AKAP11: variants seen among roughly 807,000 people sequenced by gnomAD.
AKAP11 encodes A-kinase anchoring protein 11, also known as A-kinase anchor protein 11.
A neutral mutation model predicts 146.1 loss-of-function variants in AKAP11; 36 were observed. That is an observed-to-expected ratio of 0.25 (90% CI 0.19 to 0.33). The LOEUF (loss-of-function observed/expected upper bound fraction) is 0.33. Ranked by LOEUF, AKAP11 falls within the 10% of genes least tolerant of loss-of-function variation. AKAP11 has a pLI of 1.00. For missense variants in AKAP11, 2,201 were observed against 2,197.0 expected, an observed-to-expected ratio of 1.00 and a Z score of -0.04; for synonymous variants, 780 against 786.5, an observed-to-expected ratio of 0.99 and a Z score of 0.14.
In AKAP11 at chr13:42,303,514, T is replaced by C. The variant is rs753749790; in HGVS notation, c.4768T>C (p.Cys1590Arg). Residue 1590 changes from cysteine (C) to arginine (R), a missense_variant, in exon 8 of 13, where the codon TGT becomes CGT. Cys to Arg is a radical substitution (Grantham distance 180). This residue lies in a region of AKAP11 where 1,867 missense variants were observed against 1,833.5 expected (regional missense o/e 1.02). Coordinates refer to ENST00000025301, the MANE Select transcript of AKAP11 (RefSeq NM_016248.4). ...SPLTGQACRY[C>R]DLKELHNCTG... ...TCTTACAGGTCAAGCTTGCAGATAC[T>C]GTGACCTTAAAGAACTCCACAATTG... 1.1e-5 allele frequency: 18 copies of C among 1,614,118 alleles called. No individual in the cohort carries two copies. Among genetic ancestry groups the C allele is most frequent in the Non-Finnish European group, 1.5e-5 (18 of 1,180,036 alleles).
chr13:42,317,834 A>G (rs1960894246), intron 12 of AKAP11, 146 bp downstream of exon 12: 8 of 865,620 alleles, frequency 9.2e-6, no homozygotes, highest in Non-Finnish European at 1.4e-5. Context: ...CAGCTCTGCC[A>G]CTTTCTAGCA....
chr13:42,293,268 AT>A (rs1959302232), intron 4 of AKAP11, among the ~76,000 whole-genome samples: 1 of 152,206 alleles, frequency 6.6e-6, no homozygotes, highest in Non-Finnish European at 1.5e-5. Context: ...TTCATCAAAA[AT>A]ATTCTAAGTT....
Position 42,312,746 on chromosome 13 carries a change from G to A in AKAP11, c.5274-301G>A, listed in dbSNP as rs546378877. Among the ~76,000 whole-genome samples, 3 of 152,242 alleles carry A rather than the reference G, an allele frequency of 2.0e-5. No homozygotes were observed. In the East Asian group the frequency reaches 5.8e-4, roughly 29 times the overall value. On this transcript the variant is annotated intron_variant, in intron 9 of 12. Transcript: ENST00000025301. ...GGTCCTAAGACATTAATTTTCCTGTGAAACTTATTACTTCATGCATTCATT... is the reference window on the plus strand; with the variant it reads ...GGTCCTAAGACATTAATTTTCCTGTAAAACTTATTACTTCATGCATTCATT...
At position 42,299,635 on chromosome 13, in the gene AKAP11, A is replaced by G; in HGVS notation, c.889A>G (p.Thr297Ala). 6.2e-7 allele frequency: 1 copy of G among 1,613,910 alleles called. No homozygotes were observed. Among genetic ancestry groups the G allele is most frequent in the Non-Finnish European group, 8.5e-7 (1 of 1,179,880 alleles). Residue 297 changes from threonine to alanine, a missense_variant, in exon 8 of 13, where the codon ACA (threonine) becomes GCA (alanine). By Grantham distance (58) the Thr-to-Ala change is moderately conservative. Transcript: ENST00000025301. The stretch of plus-strand genomic sequence containing the variant: ...AGATAAAGATAGTGATTTACAGAAA[A>G]CATTTTTTTCGTCTTCTCCTGCCTA... The part of the protein sequence containing the change: ...ASDKDSDLQK[T>A]FFSSSPAYSS...
Position 42,297,049 on chromosome 13 carries a change from A to G in AKAP11, c.218A>G (p.Asp73Gly). 6.3e-7 allele frequency: 1 copy of G among 1,593,242 alleles called. No homozygotes were observed. The change falls in exon 6 of 13, where the codon GAT becomes GGT. Residue 73 changes from aspartate (D) to glycine (G), a missense_variant and splice_region_variant. Asp to Gly is a moderately conservative substitution (Grantham distance 94). This residue lies in a region of AKAP11 where 331 missense variants were observed against 347.4 expected (regional missense o/e 0.95). Transcript: ENST00000025301. ...NEETDAAHIQ[D>G]LAAVSLELPD... ...CTTATTGTTATTATTTTAAATCAGG[A>G]TTTAGCTGCAGTTTCTTTGGAACTT... is the stretch of plus-strand genomic sequence containing the variant.
intron 3 of AKAP11, among the ~76,000 whole-genome samples, chr13:42,288,845 C>T (rs1433081358): frequency 2.0e-5 from 3 of 152,136 alleles, no homozygotes; most frequent in Non-Finnish European, 4.4e-5. Context: ...ATTTGATCCT[C>T]TCCCTTGTAT....
Position 42,321,532 on chromosome 13 carries a change from A to T in AKAP11, c.*2304A>T, listed in dbSNP as rs1323834541. 1 of 152,342 alleles carries T rather than the reference A, an allele frequency of 6.6e-6. No individual in the cohort carries two copies. The highest frequency in any genetic ancestry group is 1.5e-5 in the Non-Finnish European group (1 of 68,040). 9.4% of individuals were successfully genotyped at this position (152,342 alleles called of 1,614,324 possible). A position where few individuals can be genotyped will look rare whatever the true frequency, so the allele number is the denominator to read the frequency against. On this transcript the variant is annotated 3_prime_UTR_variant, in exon 13 of 13. Coordinates refer to ENST00000025301, the MANE Select transcript of AKAP11 (RefSeq NM_016248.4). ...AGATGTATGAAAAGAAGTGTGAGTT[A>T]AAAATATTGAATATTGGCAGGTGTG... is the stretch of plus-strand genomic sequence containing the variant.
At chr13:42,277,335 C>T (rs1371002125) in intron 1 of AKAP11, among the ~76,000 whole-genome samples, 1 of 152,178 alleles carries the variant, frequency 6.6e-6, no homozygotes, top group Non-Finnish European at 1.5e-5. Flanking sequence ...CTCCTGCCTT[C>T]ATCTGATTAT....
chr13:42,299,804 G>T lies in AKAP11; in HGVS notation c.1058G>T (p.Ser353Ile), dbSNP rs770429592. The T allele has an allele frequency of 1.9e-6, 3 of 1,613,740 alleles. 1 individual carries two copies. Among genetic ancestry groups the T allele is most frequent in the South Asian group, 2.2e-5 (2 of 91,048 alleles). ...DDIEDSDSEVSEFFDSFDQFD... is the reference protein window; with the variant it reads ...DDIEDSDSEVIEFFDSFDQFD... ...ATAGAGGATTCAGACTCAGAAGTAA[G>T]TGAATTTTTTGATAGTTTTGATCAG... Residue 353 changes from serine to isoleucine, a missense_variant, in exon 8 of 13, where the codon AGT becomes ATT. Around this residue, in one of 3 missense-constraint regions of AKAP11, gnomAD observed 1,867 missense variants for 1,833.5 expected, o/e 1.02. Coordinates refer to ENST00000025301, the MANE Select transcript of AKAP11 (RefSeq NM_016248.4).
chr13:42,299,885 T>A lies in AKAP11; in HGVS notation c.1139T>A (p.Ile380Lys), dbSNP rs1158599439. The change falls in exon 8 of 13, where the codon ATA (isoleucine) becomes AAA (lysine). Residue 380 changes from isoleucine to lysine, a missense_variant. This residue lies in a region of AKAP11 where 1,867 missense variants were observed against 1,833.5 expected (regional missense o/e 1.02). Coordinates refer to ENST00000025301, the MANE Select transcript of AKAP11 (RefSeq NM_016248.4). ...TGCCTGTTTAACAAAGATCCCGTCA[T>A]AGGGAAGTCATCGCAGAGGAAAGGG... ...ETCLFNKDPV[I>K]GKSSQRKGHK... 6.2e-7 allele frequency: 1 copy of A among 1,613,796 alleles called. No homozygotes were observed. The highest frequency in any genetic ancestry group is 1.3e-5 in the African/African-American group (1 of 74,918).
At chr13:42,273,447 G>C (rs1221338317) in intron 1 of AKAP11, among the ~76,000 whole-genome samples, 1 of 151,512 alleles carries the variant, frequency 6.6e-6, no homozygotes, top group Non-Finnish European at 1.5e-5. Flanking sequence ...TGACAAAACT[G>C]ACCCAGGGGT....
Position 42,301,314 on chromosome 13 carries a change from T to C in AKAP11, c.2568T>C (p.Asp856=), listed in dbSNP as rs1358206792. 1.2e-6 allele frequency: 2 copies of C among 1,613,928 alleles called. No individual in the cohort carries two copies. Among genetic ancestry groups the C allele is most frequent in the Non-Finnish European group, 1.7e-6 (2 of 1,179,960 alleles). Residue 856 remains aspartate (D), a synonymous_variant, in exon 8 of 13, where the codon GAT becomes GAC. Transcript: ENST00000025301. ...ATGATTTTAAACCAACTAATGACGA[T>C]ATTGAAATGCAGAGTTCCTCAAAAT... The part of the protein sequence containing the change: ...NQNDFKPTND[D]IEMQSSSKLP...
chr13:42,293,312 TAA>T (rs1279788131), intron 4 of AKAP11, among the ~76,000 whole-genome samples: 1 of 152,202 alleles, frequency 6.6e-6, no homozygotes, highest in African/African-American at 2.4e-5. Flanking sequence ...AAATCCATTG[TAA>T]AGTTAAAAAG....
At chr13:42,309,950 A>G (rs1385266757) in intron 9 of AKAP11, among the ~76,000 whole-genome samples, 1 of 152,168 alleles carries the variant, frequency 6.6e-6, no homozygotes, top group East Asian at 1.9e-4. Flanking sequence ...GATGAGAAAA[A>G]GGAGTCGTCT....
intron 8 of AKAP11, among the ~76,000 whole-genome samples, chr13:42,305,006 T>C (rs1409917636): frequency 1.3e-5 from 2 of 152,108 alleles, no homozygotes; most frequent in Non-Finnish European, 1.5e-5. Flanking sequence ...CCACCTCAGC[T>C]TCCCAAAGTG....
intron 8 of AKAP11, among the ~76,000 whole-genome samples, chr13:42,304,942 G>C (rs1338722075): frequency 1.3e-5 from 2 of 152,052 alleles, no homozygotes; most frequent in East Asian, 1.9e-4. Context: ...GTAGAGACAG[G>C]GTTTCACCAA....
Position 42,302,527 on chromosome 13 carries a change from G to A in AKAP11, c.3781G>A (p.Gly1261Ser). 1.2e-6 allele frequency: 2 copies of A among 1,614,142 alleles called. No individual in the cohort carries two copies. Among genetic ancestry groups the A allele is most frequent in the Middle Eastern group, 3.3e-4 (2 of 6,062 alleles). The change falls in exon 8 of 13, where the codon GGT becomes AGT. Residue 1261 changes from glycine to serine, a missense_variant. Transcript: ENST00000025301. ...TTTGAAAACATTATGCAATTTTGCG[G>A]GTGATCTGGCAGCAGAAGTCATTAC... Reference protein sequence around the residue: ...ENLKTLCNFAGDLAAEVITEA... With the variant: ...ENLKTLCNFASDLAAEVITEA...
rs1158450949 is a variant in AKAP11, at chr13:42,308,529, C to T, written c.5193C>T (p.Asp1731=). Residue 1731 remains aspartate, a synonymous_variant, in exon 9 of 13, where the codon GAC becomes GAT. Coordinates refer to ENST00000025301, the MANE Select transcript of AKAP11 (RefSeq NM_016248.4). Reference sequence around the variant, plus strand: ...AGATGAACCTCAGTATTGGTGATGACAGCACTGGTAGCTGGTCCAATTTAA... The same window carrying T: ...AGATGAACCTCAGTATTGGTGATGATAGCACTGGTAGCTGGTCCAATTTAA... ...SQQMNLSIGD[D]STGSWSNLSF... The T allele has an allele frequency of 6.2e-7, 1 of 1,613,374 alleles. No homozygotes were observed. The highest frequency in any genetic ancestry group is 1.1e-5 in the South Asian group (1 of 91,004).
intron 12 of AKAP11, among the ~76,000 whole-genome samples, chr13:42,318,385 A>G (rs1027811485): frequency 1.2e-4 from 18 of 152,238 alleles, no homozygotes; most frequent in African/African-American, 4.3e-4. Context: ...TTTTATCTCA[A>G]TAAAGCTGTT....
Sources: gnomAD v4.1 joint callset for allele counts (sites outside exome capture counted in the v4.1 genomes callset) on GRCh38, gnomAD v4.1.1 for gene constraint, gnomAD v4.1.1 regional missense constraint, MANE v1.5 for transcripts, NCBI Gene and HGNC (gene_info 2026-07-23, HGNC 2026-07-21) for gene names.